SLC35D4: variants seen among roughly 807,000 people sequenced by gnomAD.
SLC35D4 encodes UDP-N-acetylglucosamine transporter SLC35D4.
chr18:23,250,991 G>C, the SLC35D4 span, among the ~76,000 whole-genome samples: 1 of 152,192 alleles, frequency 6.6e-6, no homozygotes, highest in Non-Finnish European at 1.5e-5. Context: ...ACATGTCTGT[G>C]CTAAAATCCT....
At chr18:23,277,511 C>A in the SLC35D4 span, among the ~76,000 whole-genome samples, 2 of 152,106 alleles carry the variant, frequency 1.3e-5, no homozygotes, top group Non-Finnish European at 2.9e-5. Context: ...ATACAGATGG[C>A]CTTGGCTGGG....
the SLC35D4 span, among the ~76,000 whole-genome samples, chr18:23,282,571 G>T: frequency 1.5e-4 from 23 of 152,292 alleles, no homozygotes; most frequent in Admixed American, 3.3e-4. Context: ...CTGCCCTGCA[G>T]GCAGCCAACG....
chr18:23,340,343 A>C, the SLC35D4 span, among the ~76,000 whole-genome samples: 10 of 152,062 alleles, frequency 6.6e-5, no homozygotes, highest in Non-Finnish European at 1.5e-4. Flanking sequence ...TAAAAAAAAA[A>C]CAAAATCAAG....
chr18:23,372,872 G>T, the SLC35D4 span, among the ~76,000 whole-genome samples: 2 of 152,024 alleles, frequency 1.3e-5, no homozygotes, highest in Non-Finnish European at 2.9e-5. Context: ...CTGACACGTG[G>T]TGGGGACCTA....
At chr18:23,391,856 G>A in the SLC35D4 span, among the ~76,000 whole-genome samples, 1 of 152,094 alleles carries the variant, frequency 6.6e-6, no homozygotes, top group Non-Finnish European at 1.5e-5. Context: ...ATTATGTTGT[G>A]AGATACTACA....
At chr18:23,430,756 T>A in the SLC35D4 span, 1 of 1,335,518 alleles carries the variant, frequency 7.5e-7, no homozygotes, top group Non-Finnish European at 1.1e-6. Flanking sequence ...ACATTTCTAT[T>A]AAAAAACATA....
the SLC35D4 span, among the ~76,000 whole-genome samples, chr18:23,274,759 C>G: frequency 3.6e-4 from 55 of 152,200 alleles, no homozygotes; most frequent in Admixed American, 3.5e-3. Flanking sequence ...AGGGGGAAAG[C>G]CCCATCTCCC....
At chr18:23,363,614 T>C in the SLC35D4 span, among the ~76,000 whole-genome samples, 1 of 152,028 alleles carries the variant, frequency 6.6e-6, no homozygotes, top group African/African-American at 2.4e-5. Context: ...GACCTCGTGA[T>C]CCACCCGCCT....
At chr18:23,343,192 G>C in the SLC35D4 span, among the ~76,000 whole-genome samples, 2 of 151,960 alleles carry the variant, frequency 1.3e-5, no homozygotes, top group Admixed American at 1.3e-4. Context: ...CAGAGTGCTG[G>C]GTTACAGGCA....
chr18:23,364,539 T>C, the SLC35D4 span, among the ~76,000 whole-genome samples: 1 of 152,176 alleles, frequency 6.6e-6, no homozygotes, highest in Non-Finnish European at 1.5e-5. Context: ...TGTGATGGAA[T>C]AGGGTCTTGT....
At chr18:23,243,440 G>C in the SLC35D4 span, among the ~76,000 whole-genome samples, 7 of 151,668 alleles carry the variant, frequency 4.6e-5, no homozygotes, top group Middle Eastern at 6.8e-3. Context: ...TGTGGGGGAG[G>C]GAGGGTTGTT....
chr18:23,370,477 A>C, the SLC35D4 span, among the ~76,000 whole-genome samples: 3 of 152,350 alleles, frequency 2.0e-5, no homozygotes, highest in Middle Eastern at 6.8e-3. Flanking sequence ...ATGATAACGC[A>C]GTCAGTCCTT....
chr18:23,290,061 C>T, the SLC35D4 span, among the ~76,000 whole-genome samples: 36 of 152,312 alleles, frequency 2.4e-4, no homozygotes, highest in Non-Finnish European at 4.9e-4. Flanking sequence ...TACACGTCCT[C>T]CATCAGAGGC....
the SLC35D4 span, among the ~76,000 whole-genome samples, chr18:23,318,682 G>A: frequency 2.0e-5 from 3 of 152,124 alleles, no homozygotes; most frequent in African/African-American, 4.8e-5. Context: ...AGCTTCCAAT[G>A]TGATGTTAGG....
At chr18:23,371,941 T>TTTGTTTTTTTTG in the SLC35D4 span, among the ~76,000 whole-genome samples, 1 of 26,306 alleles carries the variant, frequency 3.8e-5, no homozygotes, top group African/African-American at 1.0e-4. Context: ...TTTTGTTTTT[T>TTTGTTTTTTTTG]TTTTTTTTTT....
chr18:23,332,418 T>C, the SLC35D4 span, among the ~76,000 whole-genome samples: 19 of 136,254 alleles, frequency 1.4e-4, no homozygotes, highest in Non-Finnish European at 1.5e-5. Context: ...AGATGTTGTA[T>C]TATGTAGATG....
chr18:23,360,760 C>T, the SLC35D4 span, among the ~76,000 whole-genome samples: 1 of 152,100 alleles, frequency 6.6e-6, no homozygotes, highest in South Asian at 2.1e-4. Context: ...AATTACATAT[C>T]AATTTAAAAA....
the SLC35D4 span, among the ~76,000 whole-genome samples, chr18:23,278,175 A>G: frequency 1.3e-5 from 2 of 152,154 alleles, no homozygotes; most frequent in Non-Finnish European, 1.5e-5. Flanking sequence ...GATCAAAACC[A>G]CTGGGCAGAA....
At chr18:23,292,609 G>A in the SLC35D4 span, among the ~76,000 whole-genome samples, 3 of 152,160 alleles carry the variant, frequency 2.0e-5, no homozygotes, top group Non-Finnish European at 2.9e-5. Context: ...TGTGAAACAC[G>A]GGGACCTCAT....
Sources: gnomAD v4.1 joint callset for allele counts (sites outside exome capture counted in the v4.1 genomes callset) on GRCh38, gnomAD v4.1.1 for gene constraint, MANE v1.5 for transcripts, NCBI Gene and HGNC (gene_info 2026-07-23, HGNC 2026-07-21) for gene names.